Variants in ASXL1 observed in about 807,000 individuals in gnomAD.
ASXL1 encodes ASXL transcriptional regulator 1.
ASXL1 carries 65 observed loss-of-function variants against 89.1 expected under a neutral mutation model. That is an observed-to-expected ratio of 0.73 (90% CI 0.60 to 0.90). ASXL1 has a LOEUF of 0.90. Among genes scored for constraint, ASXL1 ranks in the 40% least tolerant of loss-of-function variants. ASXL1 has a pLI of 0.00. For synonymous variants in ASXL1, 739 were observed against 746.9 expected (o/e 0.99, Z 0.17); for missense variants, 1,786 against 1,942.9 (o/e 0.92, Z 1.52).
chr20:32,377,177 ATATAT>A (rs755634756), intron 4 of ASXL1, among the ~76,000 whole-genome samples: 38 of 143,452 alleles, frequency 2.6e-4, no homozygotes, highest in Middle Eastern at 3.6e-3. Flanking sequence ...ATTATATATA[ATATAT>A]TATAGATATA....
chr20:32,425,904 C>A (rs1264788251), intron 4 of ASXL1, among the ~76,000 whole-genome samples: 1 of 152,166 alleles, frequency 6.6e-6, no homozygotes, highest in Non-Finnish European at 1.5e-5. Flanking sequence ...AGGGTTTCAC[C>A]ATGTTGACCA....
chr20:32,395,192 G>T (rs2048741537), intron 4 of ASXL1, among the ~76,000 whole-genome samples: 1 of 152,130 alleles, frequency 6.6e-6, no homozygotes, highest in Non-Finnish European at 1.5e-5. Context: ...TTCTTGTAGT[G>T]TAGGTCTGCT....
chr20:32,368,891 T>G, intron 3 of ASXL1, 124 bp from the exon 4 acceptor site: 124 of 701,422 alleles, frequency 1.8e-4, no homozygotes, highest in Middle Eastern at 7.3e-4. Flanking sequence ...GAAATTGTCA[T>G]GAGATTTTTT....
intron 4 of ASXL1, among the ~76,000 whole-genome samples, chr20:32,386,378 TGTAA>T (rs1257047180): frequency 6.6e-6 from 1 of 151,980 alleles, no homozygotes; most frequent in Non-Finnish European, 1.5e-5. Flanking sequence ...ACCTCCAAAG[TGTAA>T]GTTTTTTTTT....
chr20:32,418,204 C>CAATA (rs959981158), intron 4 of ASXL1, among the ~76,000 whole-genome samples: 7 of 151,310 alleles, frequency 4.6e-5, no homozygotes, highest in African/African-American at 9.7e-5. Flanking sequence ...TAAATAAATA[C>CAATA]AATAAATAAA....
chr20:32,365,382 T>G (rs1374269774), intron 1 of ASXL1, among the ~76,000 whole-genome samples: 1 of 152,188 alleles, frequency 6.6e-6, no homozygotes, highest in African/African-American at 2.4e-5. Flanking sequence ...TCTTATGTTC[T>G]TCCATAGAGA....
chr20:32,420,592 TA>T (rs2049225345), intron 4 of ASXL1, among the ~76,000 whole-genome samples: 1 of 152,206 alleles, frequency 6.6e-6, no homozygotes, highest in Non-Finnish European at 1.5e-5. Flanking sequence ...TGAACGTGAG[TA>T]AAAAGTATAC....
At chr20:32,372,068 T>A in intron 4 of ASXL1, 1 of 1,329,628 alleles carries the variant, frequency 7.5e-7, no homozygotes, top group Non-Finnish European at 1.0e-6. Context: ...GAACTGAGTT[T>A]TATTTGTGTT....
At chr20:32,419,327 C>T (rs1055519576) in intron 4 of ASXL1, among the ~76,000 whole-genome samples, 2 of 152,118 alleles carry the variant, frequency 1.3e-5, no homozygotes, top group South Asian at 2.1e-4. Context: ...CTCAGCCTCC[C>T]GAGTAGCTGA....
intron 4 of ASXL1, among the ~76,000 whole-genome samples, chr20:32,369,507 C>A (rs956668528): frequency 6.6e-6 from 1 of 151,882 alleles, no homozygotes; most frequent in East Asian, 1.9e-4. Context: ...CTACCTCGGC[C>A]TCCCAAAGTG....
At chr20:32,358,948 C>T in intron 1 of ASXL1, 116 bp downstream of exon 1, 1 of 1,128,900 alleles carries the variant, frequency 8.9e-7, no homozygotes, top group Non-Finnish European at 1.2e-6. Flanking sequence ...GGGGGCGGGG[C>T]CATCTTCCTT....
rs2011992405 is a variant in ASXL1, at chr20:32,437,454, T to G, written c.*116T>G. 6.7e-7 allele frequency: 1 copy of G among 1,491,626 alleles called. No individual in the cohort carries two copies. Among genetic ancestry groups the G allele is most frequent in the Non-Finnish European group, 9.3e-7 (1 of 1,079,980 alleles). 92.4% of individuals were successfully genotyped at this position (1,491,626 alleles called of 1,614,324 possible). A position where few individuals can be genotyped will look rare whatever the true frequency, so the allele number is the denominator to read the frequency against. On this transcript the variant is annotated 3_prime_UTR_variant, in exon 13 of 13. Coordinates refer to ENST00000375687, the MANE Select transcript of ASXL1 (RefSeq NM_015338.6). ...AATACTCTTTAGGCAGGAGCACTCT[T>G]GCCTTCCCCCAAAATTTACACTGCT...
chr20:32,424,521 C>T (rs781767227), intron 4 of ASXL1, among the ~76,000 whole-genome samples: 3 of 152,100 alleles, frequency 2.0e-5, no homozygotes, highest in Non-Finnish European at 4.4e-5. Context: ...GGTGACAGAG[C>T]GAGACTCTTG....
chr20:32,411,890 A>G (rs896022652), intron 4 of ASXL1, among the ~76,000 whole-genome samples: 1 of 152,098 alleles, frequency 6.6e-6, no homozygotes, highest in African/African-American at 2.4e-5. Context: ...TATCATTTTT[A>G]ATGTACAAAT....
At chr20:32,423,643 C>T (rs565127483) in intron 4 of ASXL1, among the ~76,000 whole-genome samples, 16 of 152,260 alleles carry the variant, frequency 1.1e-4, no homozygotes, top group Admixed American at 1.3e-4. Context: ...CTGCATGTCC[C>T]GGGTTCAAGC....
intron 4 of ASXL1, among the ~76,000 whole-genome samples, chr20:32,421,489 C>T (rs6141306): frequency 0.35 from 53,084 of 151,420 alleles, 10,329 homozygotes; most frequent in East Asian, 0.74. Context: ...AGCTTTCATC[C>T]ATCTTATGAC....
At position 32,435,508 on chromosome 20, in the gene ASXL1, A is replaced by G. The variant is rs886056600; in HGVS notation, c.2796A>G (p.Lys932=). 53 of 1,613,894 alleles carry G rather than the reference A, an allele frequency of 3.3e-5. No homozygotes were observed. The highest frequency in any genetic ancestry group is 4.5e-5 in the Non-Finnish European group (53 of 1,180,034). Residue 932 remains lysine, a synonymous_variant, in exon 13 of 13, where the codon AAA becomes AAG. Transcript: ENST00000375687. ...CCCAGGTTGGAGAGGAGTGGGAGAA[A>G]GCTGCTCCCACCCCTCCTGCATTGC... is the stretch of plus-strand genomic sequence containing the variant. ...VEPQVGEEWE[K]AAPTPPALPG...
chr20:32,365,741 A>T (rs781077050), intron 1 of ASXL1, among the ~76,000 whole-genome samples: 2 of 152,212 alleles, frequency 1.3e-5, no homozygotes, highest in Non-Finnish European at 2.9e-5. Flanking sequence ...TCTGTTTCTC[A>T]TTGCACCAGT....
intron 10 of ASXL1, 28 bp downstream of exon 10, chr20:32,431,707 C>T: frequency 6.2e-7 from 1 of 1,606,248 alleles, no homozygotes; most frequent in East Asian, 2.2e-5. Context: ...TCTCGGACGG[C>T]TTGCGACGCA....
Sources: allele counts gnomAD v4.1 joint callset (sites outside exome capture counted in the v4.1 genomes callset), GRCh38; gene constraint gnomAD v4.1.1; transcripts MANE v1.5; gene names NCBI Gene and HGNC (gene_info 2026-07-23, HGNC 2026-07-21).